Variants in RBFOX1 observed in about 807,000 individuals in gnomAD.
RBFOX1 encodes RNA binding fox-1 homolog 1.
In RBFOX1, 8 loss-of-function variants were observed where a neutral mutation model predicts 57.7. That is an observed-to-expected ratio of 0.14 (90% CI 0.08 to 0.25). RBFOX1 has a LOEUF of 0.25. Ranked by LOEUF, RBFOX1 falls within the 10% of genes least tolerant of loss-of-function variation. The pLI is 1.00. For synonymous variants in RBFOX1, 326 were observed against 222.4 expected (o/e 1.47, Z -4.15); for missense variants, 611 against 548.5 (o/e 1.11, Z -1.14).
chr16:5,806,148 C>G (rs1183725301), intron 3 of RBFOX1, among the ~76,000 whole-genome samples: 1 of 152,282 alleles, frequency 6.6e-6, no homozygotes, highest in African/African-American at 2.4e-5. Context: ...ACCTACAATT[C>G]AGTTCTCTCA....
At chr16:5,270,739 C>A (rs986984744) in intron 1 of RBFOX1, 30 of 479,932 alleles carry the variant, frequency 6.3e-5, no homozygotes, top group African/African-American at 4.4e-4. Flanking sequence ...TAAATTGATA[C>A]CAGATAACAT....
chr16:5,256,448 C>T (rs540256094), intron 1 of RBFOX1, among the ~76,000 whole-genome samples: 1 of 152,324 alleles, frequency 6.6e-6, no homozygotes, highest in African/African-American at 2.4e-5. Flanking sequence ...CCTCAGTCTC[C>T]TCTTCTGGAA....
chr16:6,537,765 T>C (rs74005268), intron 2 of RBFOX1, among the ~76,000 whole-genome samples: 4,377 of 152,280 alleles, frequency 0.029, 209 homozygotes, highest in African/African-American at 0.098. Flanking sequence ...TGGTTCCAAC[T>C]GAAGACCACC....
chr16:5,916,868 G>A lies in RBFOX1; in HGVS notation c.351+49533G>A, dbSNP rs189498943. Reference sequence around the variant, plus strand: ...CCAGGAGAGAGAAAGCTCTCCTGACGGGGGAAAGCAGGTTTCCCAATGCCT... The same window carrying A: ...CCAGGAGAGAGAAAGCTCTCCTGACAGGGGAAAGCAGGTTTCCCAATGCCT... On this transcript the variant is annotated intron_variant, in intron 4 of 19. Transcript: ENST00000641259. Among the ~76,000 whole-genome samples the A allele has an allele frequency of 1.4e-3, 217 of 152,178 alleles. 1 individual carries two copies. The highest frequency in any genetic ancestry group is 4.7e-3 in the African/African-American group (194 of 41,528).
chr16:5,324,649 C>T (rs1369378099), intron 1 of RBFOX1, among the ~76,000 whole-genome samples: 1 of 152,152 alleles, frequency 6.6e-6, no homozygotes, highest in Non-Finnish European at 1.5e-5. Flanking sequence ...AAATCATGTC[C>T]TTTGCAGGAA....
At chr16:6,837,720 A>C (rs1157218169) in intron 3 of RBFOX1, among the ~76,000 whole-genome samples, 3 of 152,242 alleles carry the variant, frequency 2.0e-5, no homozygotes, top group Non-Finnish European at 4.4e-5. Flanking sequence ...GTGCAAGTTC[A>C]GATAAACATT....
chr16:5,766,419 T>C (rs1269786959), intron 3 of RBFOX1, among the ~76,000 whole-genome samples: 1 of 152,060 alleles, frequency 6.6e-6, no homozygotes, highest in East Asian at 1.9e-4. Context: ...ACCTCGTCTC[T>C]ACTAAAATGC....
chr16:6,736,287 T>G (rs1381767176), intron 3 of RBFOX1, among the ~76,000 whole-genome samples: 1 of 152,114 alleles, frequency 6.6e-6, no homozygotes, highest in African/African-American at 2.4e-5. Flanking sequence ...CACTGCATCA[T>G]ATTGTCTTTT....
At chr16:7,026,878 G>C (rs2041123440) in intron 3 of RBFOX1, among the ~76,000 whole-genome samples, 2 of 152,202 alleles carry the variant, frequency 1.3e-5, no homozygotes, top group African/African-American at 2.4e-5. Context: ...GCAAGGGAGG[G>C]CTTTGCTTAG....
intron 3 of RBFOX1, among the ~76,000 whole-genome samples, chr16:6,763,202 G>T (rs1279173271): frequency 6.6e-6 from 1 of 152,186 alleles, no homozygotes; most frequent in Non-Finnish European, 1.5e-5. Context: ...TGTTTATCAA[G>T]TGGAAGATGT....
At chr16:7,599,088 A>G (rs1351233022) in intron 9 of RBFOX1, among the ~76,000 whole-genome samples, 1 of 152,226 alleles carries the variant, frequency 6.6e-6, no homozygotes, top group Non-Finnish European at 1.5e-5. Flanking sequence ...TTGTCAACCA[A>G]GACATGCCCT....
chr16:7,194,151 A>C (rs920944496), intron 4 of RBFOX1, among the ~76,000 whole-genome samples: 5 of 152,146 alleles, frequency 3.3e-5, no homozygotes, highest in African/African-American at 4.8e-5. Flanking sequence ...TTGGTACTAG[A>C]GTGTCTTAAA....
intron 3 of RBFOX1, among the ~76,000 whole-genome samples, chr16:7,012,095 T>C (rs1596967690): frequency 6.6e-6 from 1 of 152,180 alleles, no homozygotes; most frequent in Non-Finnish European, 1.5e-5. Context: ...GAGTCACCAA[T>C]GAGAAACAGC....
chr16:7,095,243 T>A (rs2061505812), intron 4 of RBFOX1, among the ~76,000 whole-genome samples: 1 of 152,106 alleles, frequency 6.6e-6, no homozygotes, highest in Non-Finnish European at 1.5e-5. Context: ...TTCAAACGAT[T>A]CTCCTGCCTC....
At chr16:5,756,054 A>T (rs1241500138) in intron 3 of RBFOX1, among the ~76,000 whole-genome samples, 1 of 152,030 alleles carries the variant, frequency 6.6e-6, no homozygotes, top group Non-Finnish European at 1.5e-5. Context: ...GAAATTCTTA[A>T]GCAGGTGATT....
chr16:6,158,377 C>T (rs1412063016), intron 1 of RBFOX1, among the ~76,000 whole-genome samples: 2 of 152,152 alleles, frequency 1.3e-5, no homozygotes, highest in African/African-American at 4.8e-5. Context: ...GCTTGTTAGT[C>T]AATAGTGAAG....
intron 1 of RBFOX1, among the ~76,000 whole-genome samples, chr16:6,030,321 T>C (rs1438425229): frequency 6.6e-6 from 1 of 152,214 alleles, no homozygotes; most frequent in East Asian, 1.9e-4. Context: ...TTGGTATTTA[T>C]GTACCAGACA....
chr16:6,550,280 A>C (rs1567646983), intron 2 of RBFOX1, among the ~76,000 whole-genome samples: 1 of 151,964 alleles, frequency 6.6e-6, no homozygotes, highest in South Asian at 2.1e-4. Context: ...CAGGTTCAAC[A>C]ATTCTCTTGC....
At chr16:5,505,201 C>A (rs1416973267) in intron 2 of RBFOX1, among the ~76,000 whole-genome samples, 1 of 152,182 alleles carries the variant, frequency 6.6e-6, no homozygotes, top group African/African-American at 2.4e-5. Flanking sequence ...TGTATGACCC[C>A]TTCTTGCCCC....
Sources: allele counts gnomAD v4.1 joint callset (sites outside exome capture counted in the v4.1 genomes callset), GRCh38; gene constraint gnomAD v4.1.1; transcripts MANE v1.5; gene names NCBI Gene and HGNC (gene_info 2026-07-23, HGNC 2026-07-21).